The following RCC2 variants were observed in gnomAD, a reference collection of about 807,000 sequenced individuals.
The protein encoded by RCC2 is protein RCC2.
A neutral mutation model predicts 64.1 loss-of-function variants in RCC2; 19 were observed. The observed-to-expected ratio is 0.30, with a 90% CI of 0.21 to 0.44. The LOEUF (loss-of-function observed/expected upper bound fraction) is 0.44, where lower values mean the gene tolerates loss of function less well. Ranked by LOEUF, RCC2 falls within the 20% of genes least tolerant of loss-of-function variation. RCC2 has a pLI of 1.00. For missense variants in RCC2, 508 were observed against 710.4 expected (o/e 0.72, Z 3.24); for synonymous variants, 325 against 279.6 (o/e 1.16, Z -1.62).
intron 1 of RCC2, among the ~76,000 whole-genome samples, chr1:17,438,860 C>T (rs1454641945): frequency 6.6e-6 from 1 of 152,186 alleles, no homozygotes; most frequent in Admixed American, 6.5e-5. Context: ...AAAGTAAAAC[C>T]AGCCTCCAGT....
chr1:17,414,613 A>C (rs1283139865), intron 8 of RCC2, among the ~76,000 whole-genome samples: 1 of 150,084 alleles, frequency 6.7e-6, no homozygotes, highest in Non-Finnish European at 1.5e-5. Flanking sequence ...GAAAAGGCCT[A>C]CCTGTTCCTG....
In RCC2 at chr1:17,407,341, G is replaced by A. The variant is rs1252847877; in HGVS notation, c.*1749C>T. The A allele has an allele frequency of 6.6e-6, 1 of 152,290 alleles. No individual in the cohort carries two copies. The highest frequency in any genetic ancestry group is 1.5e-5 in the Non-Finnish European group (1 of 68,074). 9.4% of individuals were successfully genotyped at this position (152,290 alleles called of 1,614,324 possible). A position where few individuals can be genotyped will look rare whatever the true frequency, so the allele number is the denominator to read the frequency against. On this transcript the variant is annotated 3_prime_UTR_variant, in exon 13 of 13. Coordinates refer to ENST00000375436, the MANE Select transcript of RCC2 (RefSeq NM_018715.4). ...GGTGCCTGGGCTGCATTCCAGGAAA[G>A]AGACCTGTCCAGGGAAACGGATCAG...
chr1:17,424,768 GCAGA>G (rs2075594881), intron 4 of RCC2, among the ~76,000 whole-genome samples: 1 of 152,202 alleles, frequency 6.6e-6, no homozygotes, highest in Non-Finnish European at 1.5e-5. Flanking sequence ...CCCGCTGGAG[GCAGA>G]GGCCGGGAGT....
At chr1:17,425,768 T>A in intron 3 of RCC2, 84 bp from the exon 4 acceptor site, 1 of 1,428,676 alleles carries the variant, frequency 7.0e-7, no homozygotes, top group Non-Finnish European at 9.6e-7. Context: ...AGCAGCCACT[T>A]CCCGAGGGTA....
chr1:17,425,546 C>A lies in RCC2; in HGVS notation c.518G>T (p.Ser173Ile). Reference sequence around the variant, plus strand: ...AGCACCCGCACGGTACTCACCCCAGCTCCACAGCTTCCCTTCCGTGGTGAT... The same window carrying A: ...AGCACCCGCACGGTACTCACCCCAGATCCACAGCTTCCCTTCCGTGGTGAT... Reference protein sequence around the residue: ...LLITTEGKLWSWGRNEKGQLG... With the variant: ...LLITTEGKLWIWGRNEKGQLG... Residue 173 changes from serine (S) to isoleucine (I), a missense_variant, in exon 4 of 13, where the codon AGC becomes ATC. By Grantham distance (142) the Ser-to-Ile change is moderately radical (BLOSUM62 -2). Transcript: ENST00000375436. 1 of 1,610,776 alleles carries A rather than the reference C, an allele frequency of 6.2e-7. No individual in the cohort carries two copies. The highest frequency in any genetic ancestry group is 8.5e-7 in the Non-Finnish European group (1 of 1,178,246).
intron 7 of RCC2, among the ~76,000 whole-genome samples, chr1:17,420,068 G>A (rs748359287): frequency 6.6e-6 from 1 of 152,216 alleles, no homozygotes; most frequent in Non-Finnish European, 1.5e-5. Flanking sequence ...TCCCCAGAGG[G>A]GCTGGAGTGG....
intron 7 of RCC2, among the ~76,000 whole-genome samples, chr1:17,418,836 A>G (rs1041056059): frequency 1.3e-5 from 2 of 152,248 alleles, no homozygotes; most frequent in African/African-American, 4.8e-5. Flanking sequence ...CAAGGCAGTC[A>G]ACAAATGATT....
At chr1:17,411,433 G>A (rs937613205) in intron 11 of RCC2, among the ~76,000 whole-genome samples, 2 of 152,040 alleles carry the variant, frequency 1.3e-5, no homozygotes, top group Non-Finnish European at 2.9e-5. Flanking sequence ...AAAATTAGCT[G>A]GGCGTGGTGG....
At chr1:17,422,999 C>T (rs957626503) in intron 4 of RCC2, among the ~76,000 whole-genome samples, 163 bp from the exon 5 acceptor site, 1 of 152,174 alleles carries the variant, frequency 6.6e-6, no homozygotes, top group Non-Finnish European at 1.5e-5. Context: ...ACGCCCCGGC[C>T]CTCTGCCCGC....
At position 17,423,548 on chromosome 1, in the gene RCC2, C is replaced by A. The variant is rs78395829; in HGVS notation, c.524-712G>T. On this transcript the variant is annotated intron_variant, in intron 4 of 12. Transcript: ENST00000375436. ...CAGGCCTGAGGGCCAACCCCTACCC[C>A]CAAGTCCTCTGCAGAACCAAATTCA... 2.9e-3 allele frequency among the ~76,000 whole-genome samples: 448 copies of A among 152,370 alleles called. 1 individual carries two copies. The highest frequency in any genetic ancestry group is 4.8e-3 in the Non-Finnish European group (329 of 68,038).
chr1:17,431,499 C>CAAAAAAAAAAAAAAAAAAAAA (rs558362245), intron 2 of RCC2, among the ~76,000 whole-genome samples: 3 of 57,898 alleles, frequency 5.2e-5, no homozygotes, highest in Non-Finnish European at 6.1e-5. Context: ...AGCCCTGTCT[C>CAAAAAAAAAAAAAAAAAAAAA]AAAAAAAAAA....
chr1:17,418,333 C>A (rs943130270), intron 7 of RCC2, among the ~76,000 whole-genome samples: 1 of 150,970 alleles, frequency 6.6e-6, no homozygotes, highest in Non-Finnish European at 1.5e-5. Context: ...TTGACATAAT[C>A]CCTTCCAGTG....
Position 17,412,144 on chromosome 1 carries a change from G to A in RCC2, c.1364C>T (p.Pro455Leu). ...AADESTISWG[P>L]SPTFGELGYG... ...TACCAGTTCCCCAAAGGTCGGTGACGGACCCCAGCTGATGGTGCTCTCATC... is the reference window on the plus strand; with the variant it reads ...TACCAGTTCCCCAAAGGTCGGTGACAGACCCCAGCTGATGGTGCTCTCATC... The change falls in exon 11 of 13, where the codon CCG becomes CTG. Residue 455 changes from proline (P) to leucine (L), a missense_variant. Pro to Leu is a moderately conservative substitution (Grantham distance 98). Transcript: ENST00000375436. 1 of 1,614,104 alleles carries A rather than the reference G, an allele frequency of 6.2e-7. No homozygotes were observed. Among genetic ancestry groups the A allele is most frequent in the Non-Finnish European group, 8.5e-7 (1 of 1,180,000 alleles).
In RCC2 at chr1:17,425,579, C is replaced by T; in HGVS notation, c.485G>A (p.Ser162Asn). ...TVVSGSCAAH[S>N]LLITTEGKLW... Reference sequence around the variant, plus strand: ...CTTCCCTTCCGTGGTGATGAGGAGGCTGTGTGCAGCACACGAGCCCGAGAC... The same window carrying T: ...CTTCCCTTCCGTGGTGATGAGGAGGTTGTGTGCAGCACACGAGCCCGAGAC... The change falls in exon 4 of 13, where the codon AGC becomes AAC. Residue 162 changes from serine to asparagine, a missense_variant. Physicochemically the swap from Ser to Asn is conservative, Grantham distance 46 (BLOSUM62 1). Transcript: ENST00000375436. 1 of 1,613,922 alleles carries T rather than the reference C, an allele frequency of 6.2e-7. No homozygotes were observed. The highest frequency in any genetic ancestry group is 8.5e-7 in the Non-Finnish European group (1 of 1,179,892).
At position 17,431,018 on chromosome 1, in the gene RCC2, G is replaced by A. The variant is rs561998199; in HGVS notation, c.286-1819C>T. Among the ~76,000 whole-genome samples, 4 of 151,600 alleles carry A rather than the reference G, an allele frequency of 2.6e-5. No homozygotes were observed. In the South Asian group the frequency reaches 8.3e-4, roughly 32 times the overall value. The stretch of plus-strand genomic sequence containing the variant: ...TGCCAATAAAATAACGCCGATGAAA[G>A]TTCCCAACCATGCCAATAAAAATGT... On this transcript the variant is annotated intron_variant, in intron 2 of 12. Transcript: ENST00000375436.
rs2075762030 is a variant in RCC2 at position 17,438,213 on chromosome 1, C to T, written c.285+17G>A. The T allele has an allele frequency of 1.6e-6, 2 of 1,270,746 alleles. No individual in the cohort carries two copies. Among genetic ancestry groups the T allele is most frequent in the Non-Finnish European group, 2.0e-6 (2 of 991,976 alleles). The allele number at this position is 1,270,746 out of a possible 1,614,324, so 78.7% of individuals were successfully genotyped here. A position where few individuals can be genotyped will look rare whatever the true frequency, so the allele number is the denominator to read the frequency against. On this transcript the variant is annotated intron_variant, in intron 2 of 12. Coordinates refer to ENST00000375436, the MANE Select transcript of RCC2 (RefSeq NM_018715.4). ...CCCCGGCCCTGCGCCCACCCGTCTA[C>T]CCTGACCCTCACTCACGACGCGCTC...
chr1:17,413,206 C>A (rs188228514), intron 9 of RCC2, 28 bp from the exon 10 acceptor site: 2 of 1,486,532 alleles, frequency 1.3e-6, no homozygotes, highest in Admixed American at 1.7e-5. Context: ...ATGTTCCCAG[C>A]GTGACCAGAC....
chr1:17,436,685 T>C (rs929773432), intron 2 of RCC2, among the ~76,000 whole-genome samples: 1 of 152,206 alleles, frequency 6.6e-6, no homozygotes, highest in Non-Finnish European at 1.5e-5. Flanking sequence ...AAATTCAGCG[T>C]TCCAACAGTC....
chr1:17,422,641 C>A (rs1570189236), intron 5 of RCC2, 64 bp downstream of exon 5: 1 of 1,600,670 alleles, frequency 6.2e-7, no homozygotes. Context: ...CACGCCCCAT[C>A]CCCAAGGCAG....
Sources: gnomAD v4.1 joint callset for allele counts (sites outside exome capture counted in the v4.1 genomes callset) on GRCh38, gnomAD v4.1.1 for gene constraint, MANE v1.5 for transcripts, NCBI Gene and HGNC (gene_info 2026-07-23, HGNC 2026-07-21) for gene names.